Variants in HERC3 observed in about 807,000 individuals in gnomAD.
The protein encoded by HERC3 is HECT and RLD domain containing E3 ubiquitin protein ligase 3, also known as probable E3 ubiquitin-protein ligase HERC3.
HERC3 carries 58 observed loss-of-function variants against 129.9 expected under a neutral mutation model. The observed-to-expected ratio is 0.45, with a 90% confidence interval of 0.36 to 0.56. The LOEUF is 0.56. Among genes scored for constraint, HERC3 ranks in the 20% least tolerant of loss-of-function variants. The pLI, the probability that HERC3 is intolerant of heterozygous loss-of-function variation, is 0.00. For missense variants in HERC3, 835 were observed against 1,244.2 expected (o/e 0.67, Z 4.95); for synonymous variants, 430 against 451.0 (o/e 0.95, Z 0.59).
intron 10 of HERC3, among the ~76,000 whole-genome samples, chr4:88,661,593 G>T (rs1730497220): frequency 6.6e-6 from 1 of 152,132 alleles, no homozygotes; most frequent in African/African-American, 2.4e-5. Context: ...TCTCGATCAA[G>T]AACAAGGCTT....
At chr4:88,632,521 A>T (rs1196957173) in intron 3 of HERC3, among the ~76,000 whole-genome samples, 1 of 152,244 alleles carries the variant, frequency 6.6e-6, no homozygotes, top group East Asian at 1.9e-4. Flanking sequence ...CAAATATTTC[A>T]ACAAGCTGGC....
intron 25 of HERC3, 109 bp downstream of exon 25, chr4:88,704,719 C>T (rs932246222): frequency 5.8e-6 from 4 of 690,498 alleles, no homozygotes; most frequent in Non-Finnish European, 1.0e-5. Context: ...TGGTAAAGAC[C>T]AGGTAATTCA....
At chr4:88,701,477 T>C (rs1457519753) in intron 23 of HERC3, among the ~76,000 whole-genome samples, 1 of 152,218 alleles carries the variant, frequency 6.6e-6, no homozygotes, top group Non-Finnish European at 1.5e-5. Flanking sequence ...TAAATTACAG[T>C]GATGGATAAG....
rs1169690201 is a variant in HERC3, at chr4:88,654,050, T to A, written c.694T>A (p.Ser232Thr). The A allele has an allele frequency of 6.2e-7, 1 of 1,609,074 alleles. No individual in the cohort carries two copies. The highest frequency in any genetic ancestry group is 2.2e-5 in the East Asian group (1 of 44,832). Residue 232 changes from serine (S) to threonine (T), a missense_variant, in exon 7 of 26, where the codon TCT becomes ACT. Coordinates refer to ENST00000402738, the MANE Select transcript of HERC3 (RefSeq NM_014606.3). ...TATTTAATTTATTCTAGATCGAGAA[T>A]CTCCATGCCATGTAAAACTCTTACG... ...LGLSDEKDRESPCHVKLLRTQ... is the reference protein window; with the variant it reads ...LGLSDEKDRETPCHVKLLRTQ...
At chr4:88,662,294 G>T (rs1361629666) in intron 10 of HERC3, 137 bp from the exon 11 acceptor site, 1 of 786,352 alleles carries the variant, frequency 1.3e-6, no homozygotes, top group Admixed American at 3.1e-5. Context: ...TCTGAAGGGT[G>T]GAGGGGATCT....
intron 2 of HERC3, among the ~76,000 whole-genome samples, chr4:88,595,844 T>C (rs1054829646): frequency 6.2e-5 from 6 of 96,388 alleles, no homozygotes; most frequent in African/African-American, 1.1e-4. Context: ...CTTAATTCTT[T>C]TTTTTTTTTT....
At chr4:88,565,945 G>A in the HERC3 span, among the ~76,000 whole-genome samples, 1 of 149,584 alleles carries the variant, frequency 6.7e-6, no homozygotes, top group African/African-American at 2.5e-5. Flanking sequence ...TCTGTTGCAT[G>A]TTTTTTTTTC....
At position 88,670,252 on chromosome 4, in the gene HERC3, G is replaced by A. The variant is rs1230869250; in HGVS notation, c.1911G>A (p.Met637Ile). Reference sequence around the variant, plus strand: ...TGTGGTTCTTGCATCAAGCAGGGATGGTAAGAATTCATAAAGCATATTTTA... The same window carrying A: ...TGTGGTTCTTGCATCAAGCAGGGATAGTAAGAATTCATAAAGCATATTTTA... Reference protein sequence around the residue: ...YLMWFLHQAGMKARPSIIQDT... With the variant: ...YLMWFLHQAGIKARPSIIQDT... The change falls in exon 16 of 26, where the codon ATG becomes ATA. Residue 637 changes from methionine to isoleucine, a missense_variant and splice_region_variant. Physicochemically the swap from Met to Ile is conservative, Grantham distance 10. Transcript: ENST00000402738. The A allele has an allele frequency of 6.3e-7, 1 of 1,576,036 alleles. No homozygotes were observed. The highest frequency in any genetic ancestry group is 8.7e-7 in the Non-Finnish European group (1 of 1,145,900).
At position 88,707,248 on chromosome 4, in the gene HERC3, C is replaced by T; in HGVS notation, c.*288C>T. On this transcript the variant is annotated 3_prime_UTR_variant, in exon 26 of 26. Coordinates refer to ENST00000402738, the MANE Select transcript of HERC3 (RefSeq NM_014606.3). The stretch of plus-strand genomic sequence containing the variant: ...TCCTTGCACTTGTGAATGTGTTGCA[C>T]TCTGCTGGATGAAATGGCAGTGGAT... 1 of 378,888 alleles carries T rather than the reference C, an allele frequency of 2.6e-6. No homozygotes were observed. The highest frequency in any genetic ancestry group is 2.1e-5 in the African/African-American group (1 of 48,382). The allele number at this position is 378,888 out of a possible 1,614,324, so 23.5% of individuals were successfully genotyped here.
the HERC3 span, among the ~76,000 whole-genome samples, chr4:88,528,442 G>A: frequency 1.3e-5 from 2 of 152,106 alleles, no homozygotes; most frequent in Non-Finnish European, 2.9e-5. Flanking sequence ...AGACATGAAA[G>A]GCCAAGAGAA....
chr4:88,573,635 A>G, the HERC3 span, among the ~76,000 whole-genome samples: 1 of 152,222 alleles, frequency 6.6e-6, no homozygotes, highest in Non-Finnish European at 1.5e-5. Flanking sequence ...CTACAGATTC[A>G]TTGACGGTCC....
the HERC3 span, among the ~76,000 whole-genome samples, chr4:88,558,967 C>CAA: frequency 1.2e-3 from 132 of 111,866 alleles, 1 homozygote; most frequent in East Asian, 5.6e-3. Context: ...GACTCTGTCT[C>CAA]AAAAAAAAAA....
At chr4:88,582,714 T>G in the HERC3 span, among the ~76,000 whole-genome samples, 1 of 152,180 alleles carries the variant, frequency 6.6e-6, no homozygotes, top group East Asian at 1.9e-4. Context: ...AGAGACTTTA[T>G]TTACATAATA....
intron 23 of HERC3, chr4:88,690,414 A>G: frequency 1.0e-6 from 1 of 985,290 alleles, no homozygotes; most frequent in South Asian, 4.7e-5. Flanking sequence ...ATGTAGATAC[A>G]TACGTAACCT....
chr4:88,697,576 T>G (rs1486104345), intron 23 of HERC3: 3 of 1,613,966 alleles, frequency 1.9e-6, no homozygotes, highest in African/African-American at 1.3e-5. Context: ...TGGGGCATTC[T>G]CTGCAGGGGT....
intron 23 of HERC3, among the ~76,000 whole-genome samples, chr4:88,699,337 GCCCCACC>G (rs1447049433): frequency 4.3e-5 from 1 of 23,088 alleles, no homozygotes; most frequent in Non-Finnish European, 6.3e-5. Flanking sequence ...CACCCACGCA[GCCCCACC>G]CTCTTCTTCC....
At chr4:88,680,298 A>T in intron 20 of HERC3, 62 bp downstream of exon 20, 1 of 1,310,160 alleles carries the variant, frequency 7.6e-7, no homozygotes, top group Non-Finnish European at 1.0e-6. Flanking sequence ...TTGTTGTCAG[A>T]CCAATCCCCT....
intron 23 of HERC3, chr4:88,690,692 A>G (rs755757285): frequency 4.3e-5 from 32 of 741,528 alleles, no homozygotes; most frequent in Non-Finnish European, 5.1e-5. Context: ...ACTCCTTTTC[A>G]TATCTTTGTC....
In HERC3 at chr4:88,602,140, C is replaced by A. The variant is rs965693836; in HGVS notation, c.-29-3655C>A. Among the ~76,000 whole-genome samples, 9 of 151,460 alleles carry A rather than the reference C, an allele frequency of 5.9e-5. 1 individual carries two copies. Among genetic ancestry groups the A allele is most frequent in the Admixed American group, 5.9e-4 (9 of 15,206 alleles). On this transcript the variant is annotated intron_variant, in intron 2 of 25. Coordinates refer to ENST00000402738, the MANE Select transcript of HERC3 (RefSeq NM_014606.3). The stretch of plus-strand genomic sequence containing the variant: ...AACCGGCTGGGCTCCGTGGCTCACA[C>A]CTGTGATCCAAGCACTTTGGGAGGC...
Sources: gnomAD v4.1 joint callset for allele counts (sites outside exome capture counted in the v4.1 genomes callset) on GRCh38, gnomAD v4.1.1 for gene constraint, MANE v1.5 for transcripts, NCBI Gene and HGNC (gene_info 2026-07-23, HGNC 2026-07-21) for gene names.